WWOX: variants seen among roughly 807,000 people sequenced by gnomAD.
WWOX encodes the protein WW domain containing oxidoreductase.
WWOX carries 69 observed loss-of-function variants against 46.2 expected under a neutral mutation model. The observed-to-expected ratio is 1.49, with a 90% CI of 1.23 to 1.82. WWOX has a LOEUF of 1.82. Ranked by LOEUF, WWOX falls within the 40% of genes most tolerant of loss-of-function variation. WWOX has a pLI of 0.00. For missense variants in WWOX, 919 were observed against 542.6 expected, an observed-to-expected ratio of 1.69 and a Z score of -6.89; for synonymous variants, 359 against 202.6, an observed-to-expected ratio of 1.77 and a Z score of -6.56.
chr16:79,004,710 A>G (rs2047158974), intron 8 of WWOX: 1 of 152,218 alleles, frequency 6.6e-6, no homozygotes, highest in Non-Finnish European at 1.5e-5. Flanking sequence ...ACGGGAAGGT[A>G]TTAAATGTGT....
intron 8 of WWOX, among the ~76,000 whole-genome samples, chr16:78,852,248 C>T (rs949231082): frequency 7.8e-4 from 119 of 152,160 alleles, no homozygotes; most frequent in African/African-American, 2.7e-3. Context: ...TTTTACATTG[C>T]AGTATATTTC....
chr16:78,807,337 C>T (rs2051069046), intron 8 of WWOX, among the ~76,000 whole-genome samples: 1 of 152,192 alleles, frequency 6.6e-6, no homozygotes, highest in African/African-American at 2.4e-5. Context: ...CAGTGACACC[C>T]AGTGAATCTA....
At chr16:79,203,743 T>C (rs1217316682) in intron 8 of WWOX, 3 of 152,192 alleles carry the variant, frequency 2.0e-5, no homozygotes. Flanking sequence ...GTTTTACCTG[T>C]AGTATGAAGA....
At chr16:78,495,574 T>C (rs1431463301) in intron 8 of WWOX, among the ~76,000 whole-genome samples, 2 of 151,498 alleles carry the variant, frequency 1.3e-5, no homozygotes, top group Non-Finnish European at 2.9e-5. Context: ...AGTGGTGTGA[T>C]CTCAGCTCAC....
At chr16:78,852,453 C>T (rs936004709) in intron 8 of WWOX, among the ~76,000 whole-genome samples, 1 of 152,184 alleles carries the variant, frequency 6.6e-6, no homozygotes, top group Non-Finnish European at 1.5e-5. Flanking sequence ...AGCAAGGAAT[C>T]AGGCTTCCAA....
intron 8 of WWOX, among the ~76,000 whole-genome samples, chr16:79,061,228 C>T (rs1597337093): frequency 6.6e-6 from 1 of 152,192 alleles, no homozygotes; most frequent in African/African-American, 2.4e-5. Flanking sequence ...AGGAAGGACT[C>T]TAAAGCCCTA....
chr16:79,121,014 C>T (rs1289749905), intron 8 of WWOX, among the ~76,000 whole-genome samples: 2 of 152,224 alleles, frequency 1.3e-5, no homozygotes, highest in Non-Finnish European at 2.9e-5. Flanking sequence ...GGTGATCCAC[C>T]TGCCTTGGCC....
intron 8 of WWOX, among the ~76,000 whole-genome samples, chr16:78,587,228 GTC>G (rs1286079974): frequency 2.3e-5 from 3 of 128,572 alleles, no homozygotes; most frequent in African/African-American, 9.8e-5. Flanking sequence ...TAGAAACAGA[GTC>G]TCTCTATGTT....
intron 8 of WWOX, among the ~76,000 whole-genome samples, chr16:78,616,113 A>T (rs1330176612): frequency 1.3e-5 from 2 of 151,682 alleles, no homozygotes; most frequent in South Asian, 2.1e-4. Context: ...AGAATTCCCT[A>T]CCCTGTGTCT....
At chr16:79,194,980 A>C (rs985294373) in intron 8 of WWOX, among the ~76,000 whole-genome samples, 2 of 152,148 alleles carry the variant, frequency 1.3e-5, no homozygotes, top group Non-Finnish European at 2.9e-5. Flanking sequence ...CAGTTCTACT[A>C]CTACCGCCAC....
intron 5 of WWOX, among the ~76,000 whole-genome samples, chr16:78,232,667 A>G (rs545021476): frequency 5.3e-4 from 81 of 152,320 alleles, no homozygotes; most frequent in African/African-American, 1.7e-3. Flanking sequence ...AATAAAATGG[A>G]TAGTTTTAAA....
At chr16:78,826,364 A>G (rs2051657230) in intron 8 of WWOX, among the ~76,000 whole-genome samples, 2 of 152,172 alleles carry the variant, frequency 1.3e-5, no homozygotes, top group African/African-American at 4.8e-5. Context: ...CAGCAACAGA[A>G]ATGTATTCTC....
chr16:78,174,750 G>A (rs771329660), intron 5 of WWOX, among the ~76,000 whole-genome samples: 34 of 152,260 alleles, frequency 2.2e-4, no homozygotes, highest in Non-Finnish European at 1.5e-4. Context: ...CACTTTGGGA[G>A]GCCAAGGCGG....
At chr16:79,114,405 C>T (rs1567559342) in intron 8 of WWOX, among the ~76,000 whole-genome samples, 3 of 151,078 alleles carry the variant, frequency 2.0e-5, no homozygotes, top group Admixed American at 6.6e-5. Flanking sequence ...TACATGTATG[C>T]ACATACCTAC....
intron 8 of WWOX, among the ~76,000 whole-genome samples, chr16:78,584,443 G>GT (rs1383791197): frequency 6.6e-6 from 1 of 152,200 alleles, no homozygotes; most frequent in Non-Finnish European, 1.5e-5. Flanking sequence ...TTTGTCATGA[G>GT]TAAAACTGAA....
At chr16:78,215,825 C>G (rs757902455) in intron 5 of WWOX, among the ~76,000 whole-genome samples, 1 of 151,866 alleles carries the variant, frequency 6.6e-6, no homozygotes, top group Non-Finnish European at 1.5e-5. Flanking sequence ...ATTTGGGACC[C>G]TGAGGCAGGA....
chr16:79,150,351 C>T (rs2050255320), intron 8 of WWOX, among the ~76,000 whole-genome samples: 1 of 152,068 alleles, frequency 6.6e-6, no homozygotes, highest in Admixed American at 6.5e-5. Context: ...GAGATAAAGC[C>T]CTGTTAATAA....
chr16:78,762,050 G>A (rs908043980), intron 8 of WWOX, among the ~76,000 whole-genome samples: 1 of 152,164 alleles, frequency 6.6e-6, no homozygotes, highest in Non-Finnish European at 1.5e-5. Flanking sequence ...CTCCTATTTG[G>A]TGTCAACTCT....
chr16:78,907,451 C>T (rs1373571953), intron 8 of WWOX, among the ~76,000 whole-genome samples: 1 of 152,212 alleles, frequency 6.6e-6, no homozygotes, highest in Non-Finnish European at 1.5e-5. Flanking sequence ...CTGTCCTCCT[C>T]CTAACTTGGT....
Sources: allele counts gnomAD v4.1 joint callset (sites outside exome capture counted in the v4.1 genomes callset), GRCh38; gene constraint gnomAD v4.1.1; transcripts MANE v1.5; gene names NCBI Gene and HGNC (gene_info 2026-07-23, HGNC 2026-07-21).